Variants in ZCWPW2 observed in about 807,000 individuals in gnomAD.
The protein encoded by ZCWPW2 is zinc finger CW-type PWWP domain protein 2.
In ZCWPW2, 45 loss-of-function variants were observed where a neutral mutation model predicts 46.6. The ratio of observed to expected loss-of-function variants is 0.96; its 90% CI spans 0.76 to 1.24. The LOEUF (loss-of-function observed/expected upper bound fraction) is 1.24, where lower values mean the gene tolerates loss of function less well. ZCWPW2 is among the 50% of genes most tolerant of loss of function. The probability of loss-of-function intolerance (pLI) is 0.00; values close to 1 mark genes in which losing one functional copy is unlikely to be tolerated. For synonymous variants in ZCWPW2, 152 were observed against 137.1 expected, an observed-to-expected ratio of 1.11 and a Z score of -0.76; for missense variants, 429 against 403.9, an observed-to-expected ratio of 1.06 and a Z score of -0.53.
At chr3:28,420,210 A>G (rs78363723) in intron 3 of ZCWPW2, among the ~76,000 whole-genome samples, 2,138 of 152,014 alleles carry the variant, frequency 0.014, 47 homozygotes, top group African/African-American at 0.049. Flanking sequence ...TTGCTTCTCT[A>G]GTTCTTTTAA....
At chr3:28,432,246 G>A (rs967216146) in intron 3 of ZCWPW2, among the ~76,000 whole-genome samples, 1 of 152,140 alleles carries the variant, frequency 6.6e-6, no homozygotes, top group Non-Finnish European at 1.5e-5. Flanking sequence ...GGCCTTTGCT[G>A]TACCACTAGG....
intron 5 of ZCWPW2, among the ~76,000 whole-genome samples, chr3:28,483,103 C>A (rs1306422126): frequency 1.3e-5 from 2 of 152,046 alleles, no homozygotes; most frequent in Non-Finnish European, 1.5e-5. Flanking sequence ...TCTCTTTTAT[C>A]TTCTAGGAGT....
intron 2 of ZCWPW2, among the ~76,000 whole-genome samples, chr3:28,393,748 T>TA (rs1167060804): frequency 6.6e-6 from 1 of 152,138 alleles, no homozygotes; most frequent in Non-Finnish European, 1.5e-5. Context: ...CAGTTTATGA[T>TA]AAAAACTCTT....
At chr3:28,500,372 A>G (rs936408838) in intron 6 of ZCWPW2, among the ~76,000 whole-genome samples, 1 of 152,116 alleles carries the variant, frequency 6.6e-6, no homozygotes, top group Non-Finnish European at 1.5e-5. Flanking sequence ...AGTTTTTTCA[A>G]TAGAGAATTT....
chr3:28,444,893 C>T (rs1481704785), intron 4 of ZCWPW2, among the ~76,000 whole-genome samples: 1 of 152,104 alleles, frequency 6.6e-6, no homozygotes, highest in African/African-American at 2.4e-5. Flanking sequence ...CTCACATGGG[C>T]AGTGAATCAG....
chr3:28,439,106 C>A (rs1487523428), intron 4 of ZCWPW2, among the ~76,000 whole-genome samples: 1 of 144,528 alleles, frequency 6.9e-6, no homozygotes, highest in African/African-American at 2.5e-5. Context: ...TACACACACA[C>A]ACACCATAGG....
At chr3:28,423,780 A>G (rs1337752813) in intron 3 of ZCWPW2, among the ~76,000 whole-genome samples, 2 of 152,098 alleles carry the variant, frequency 1.3e-5, no homozygotes, top group Non-Finnish European at 2.9e-5. Context: ...TGCTGTTCTT[A>G]GTTCAACTTG....
chr3:28,477,477 G>A (rs1699273505), intron 4 of ZCWPW2, among the ~76,000 whole-genome samples: 1 of 152,136 alleles, frequency 6.6e-6, no homozygotes, highest in Admixed American at 6.6e-5. Flanking sequence ...ATTATGTATT[G>A]CCTCCATCTT....
intron 4 of ZCWPW2, among the ~76,000 whole-genome samples, chr3:28,453,111 A>G (rs924221743): frequency 2.6e-5 from 4 of 152,198 alleles, no homozygotes; most frequent in Admixed American, 2.0e-4. Context: ...AATAAGCCCA[A>G]TATCAGCAGT....
intron 1 of ZCWPW2, among the ~76,000 whole-genome samples, chr3:28,355,536 T>G (rs759535074): frequency 2.0e-5 from 3 of 152,236 alleles, no homozygotes; most frequent in Non-Finnish European, 4.4e-5. Flanking sequence ...GAGCCCGCAT[T>G]GCCAAGTCCA....
intron 4 of ZCWPW2, among the ~76,000 whole-genome samples, chr3:28,470,590 A>G (rs1348924362): frequency 6.6e-6 from 1 of 152,016 alleles, no homozygotes; most frequent in Non-Finnish European, 1.5e-5. Context: ...TACAGTAAAC[A>G]CAGTACTAAA....
chr3:28,421,955 T>C (rs1050827766), intron 3 of ZCWPW2, among the ~76,000 whole-genome samples: 3 of 151,648 alleles, frequency 2.0e-5, no homozygotes, highest in African/African-American at 7.3e-5. Flanking sequence ...ATATGACCCG[T>C]GTTCTTAAAT....
chr3:28,509,898 G>T (rs1700381188), intron 6 of ZCWPW2, among the ~76,000 whole-genome samples: 1 of 152,088 alleles, frequency 6.6e-6, no homozygotes, highest in East Asian at 1.9e-4. Context: ...ACTAATCCAA[G>T]ATTATAAAGA....
chr3:28,401,625 A>G (rs1309658917), intron 2 of ZCWPW2, among the ~76,000 whole-genome samples: 1 of 152,190 alleles, frequency 6.6e-6, no homozygotes, highest in Non-Finnish European at 1.5e-5. Flanking sequence ...CGACAACTGC[A>G]GAATATACAT....
chr3:28,511,027 G>A, intron 6 of ZCWPW2: 1 of 455,670 alleles, frequency 2.2e-6, no homozygotes. Context: ...ATCAAGATGA[G>A]AGTCAACGCT....
chr3:28,454,335 T>C (rs1387645667), intron 4 of ZCWPW2, among the ~76,000 whole-genome samples: 1 of 152,164 alleles, frequency 6.6e-6, no homozygotes, highest in Non-Finnish European at 1.5e-5. Context: ...AAATGAGATA[T>C]TAGGTCATGC....
At chr3:28,480,864 C>CTT (rs56891846) in intron 5 of ZCWPW2, among the ~76,000 whole-genome samples, 32 of 121,982 alleles carry the variant, frequency 2.6e-4, no homozygotes, top group African/African-American at 3.8e-4. Flanking sequence ...CATTTTTTTT[C>CTT]TTTTTTTTTT....
intron 1 of ZCWPW2, among the ~76,000 whole-genome samples, chr3:28,367,084 T>C (rs998879531): frequency 6.6e-6 from 1 of 152,326 alleles, no homozygotes; most frequent in African/African-American, 2.4e-5. Flanking sequence ...GTTGATCTTT[T>C]TAAAAGACCA....
intron 5 of ZCWPW2, among the ~76,000 whole-genome samples, chr3:28,490,588 T>C (rs1214539340): frequency 6.6e-6 from 1 of 152,090 alleles, no homozygotes; most frequent in African/African-American, 2.4e-5. Context: ...AAGTGCTGCA[T>C]GTTGTCACTT....
Sources: gnomAD v4.1 joint callset for allele counts (sites outside exome capture counted in the v4.1 genomes callset) on GRCh38, gnomAD v4.1.1 for gene constraint, MANE v1.5 for transcripts, NCBI Gene and HGNC (gene_info 2026-07-23, HGNC 2026-07-21) for gene names.